Variants in IGSF11 observed in about 807,000 individuals in gnomAD.
The protein encoded by IGSF11 is CXADR like 1.
IGSF11 carries 22 observed loss-of-function variants against 41.0 expected under a neutral mutation model. That is an observed-to-expected ratio of 0.54 (90% CI 0.38 to 0.77). The LOEUF is 0.77. IGSF11 is among the 30% of genes least tolerant of loss of function. IGSF11 has a pLI of 0.00. For missense variants in IGSF11, 444 were observed against 530.8 expected (o/e 0.84, Z 1.61); for synonymous variants, 219 against 201.3 (o/e 1.09, Z -0.74).
At chr3:118,972,217 C>T (rs1022881939) in intron 1 of IGSF11, among the ~76,000 whole-genome samples, 2 of 152,150 alleles carry the variant, frequency 1.3e-5, no homozygotes, top group Non-Finnish European at 2.9e-5. Flanking sequence ...AACTAAATGG[C>T]TAATTATTCC....
intron 1 of IGSF11, among the ~76,000 whole-genome samples, chr3:119,078,882 T>C (rs933070923): frequency 6.6e-6 from 1 of 151,792 alleles, no homozygotes; most frequent in Non-Finnish European, 1.5e-5. Flanking sequence ...AAAAAACAAA[T>C]AACCCCATTT....
At chr3:118,964,082 ACC>A (rs1054109577) in intron 1 of IGSF11, among the ~76,000 whole-genome samples, 3 of 151,738 alleles carry the variant, frequency 2.0e-5, no homozygotes, top group South Asian at 2.1e-4. Flanking sequence ...ACCCATCCCC[ACC>A]CCCAAAGTCT....
intron 1 of IGSF11, among the ~76,000 whole-genome samples, chr3:118,964,202 C>T (rs758769738): frequency 9.2e-5 from 14 of 152,126 alleles, no homozygotes; most frequent in Non-Finnish European, 1.9e-4. Context: ...TTCAGGTATA[C>T]ATTACATTAT....
In IGSF11 at chr3:119,131,929, G is replaced by C. The variant is rs528911589; in HGVS notation, c.-14+13884C>G. ...CTTGAAGAAAAGAATTTTCAACCCA[G>C]AATTTCATATCCAGCCAAACTAAGC... On this transcript the variant is annotated intron_variant, in intron 1 of 7. Transcript: ENST00000425327. Among the ~76,000 whole-genome samples, 114 of 152,228 alleles carry C rather than the reference G, an allele frequency of 7.5e-4. No individual in the cohort carries two copies. The South Asian group carries it at 0.012, about 15-fold the overall frequency.
intron 1 of IGSF11, among the ~76,000 whole-genome samples, chr3:118,974,363 C>T (rs1014169225): frequency 2.0e-5 from 3 of 152,034 alleles, no homozygotes; most frequent in Non-Finnish European, 2.9e-5. Context: ...GAGAAAGATC[C>T]GTTGGAAGAA....
intron 4 of IGSF11, among the ~76,000 whole-genome samples, chr3:118,907,263 TA>T (rs1939719306): frequency 6.6e-6 from 1 of 152,174 alleles, no homozygotes; most frequent in Non-Finnish European, 1.5e-5. Flanking sequence ...CAGATCTGAG[TA>T]AAGTGTGCAG....
chr3:118,997,859 TTTAATATAATGTACTGTTCATGG>T (rs1372956788), intron 1 of IGSF11, among the ~76,000 whole-genome samples: 1 of 152,156 alleles, frequency 6.6e-6, no homozygotes, highest in Non-Finnish European at 1.5e-5. Flanking sequence ...CACAAAAATA[TTTAATATAATGTACTGTTCATGG>T]CAAATGCTAA....
chr3:118,978,247 C>T (rs764636782), intron 1 of IGSF11, among the ~76,000 whole-genome samples: 6 of 152,148 alleles, frequency 3.9e-5, no homozygotes, highest in Non-Finnish European at 8.8e-5. Context: ...CCTGCTATTA[C>T]CACCAGAGCC....
At chr3:119,141,930 A>G (rs796343151) in intron 1 of IGSF11, among the ~76,000 whole-genome samples, 25 of 152,238 alleles carry the variant, frequency 1.6e-4, no homozygotes, top group African/African-American at 5.5e-4. Context: ...GGACACACTG[A>G]AAGTTTGGGA....
intron 1 of IGSF11, among the ~76,000 whole-genome samples, chr3:119,059,314 G>T (rs1941977558): frequency 6.6e-6 from 1 of 152,106 alleles, no homozygotes. Flanking sequence ...ACTGAGGAAT[G>T]TAAAACCAAA....
chr3:119,121,661 T>C (rs1177876517), intron 1 of IGSF11, among the ~76,000 whole-genome samples: 1 of 152,052 alleles, frequency 6.6e-6, no homozygotes, highest in African/African-American at 2.4e-5. Context: ...AATTTGTGAC[T>C]AAAAACTCTG....
intron 1 of IGSF11, among the ~76,000 whole-genome samples, chr3:119,138,158 CA>C (rs71156733): frequency 0.77 from 102,745 of 133,978 alleles, 38,818 homozygotes; most frequent in Admixed American, 0.86. Context: ...GGTTCCTCAA[CA>C]AAAAAAAAAA....
intron 1 of IGSF11, among the ~76,000 whole-genome samples, chr3:119,054,907 G>C (rs1370056232): frequency 4.0e-5 from 6 of 149,522 alleles, no homozygotes; most frequent in African/African-American, 1.5e-4. Flanking sequence ...CACCTGAGTA[G>C]CCTAACTGGG....
chr3:118,960,039 CG>C (rs1945235657), intron 1 of IGSF11, among the ~76,000 whole-genome samples: 1 of 142,652 alleles, frequency 7.0e-6, no homozygotes. Context: ...AGCGAGACTC[CG>C]TCTCAAAAAA....
At chr3:119,054,766 T>C (rs1050190391) in intron 1 of IGSF11, among the ~76,000 whole-genome samples, 39 of 152,262 alleles carry the variant, frequency 2.6e-4, no homozygotes, top group African/African-American at 9.1e-4. Context: ...AATTACAAAA[T>C]TATGGAACCA....
At chr3:119,139,604 A>C (rs1386590376) in intron 1 of IGSF11, among the ~76,000 whole-genome samples, 1 of 152,098 alleles carries the variant, frequency 6.6e-6, no homozygotes, top group East Asian at 1.9e-4. Flanking sequence ...TTCTGCCATG[A>C]GTGTGAGACC....
At chr3:119,034,379 C>T (rs1161680174) in intron 1 of IGSF11, among the ~76,000 whole-genome samples, 152 bp downstream of exon 1, 1 of 152,204 alleles carries the variant, frequency 6.6e-6, no homozygotes, top group Non-Finnish European at 1.5e-5. Flanking sequence ...TGCGCGCGAG[C>T]CTCGGCCGCA....
chr3:118,970,633 T>C (rs571226187), intron 1 of IGSF11, among the ~76,000 whole-genome samples: 1 of 152,248 alleles, frequency 6.6e-6, no homozygotes, highest in Admixed American at 6.5e-5. Flanking sequence ...AAGGTGATGA[T>C]TTAAAATAGC....
At chr3:119,057,605 A>G (rs1941897425) in intron 1 of IGSF11, among the ~76,000 whole-genome samples, 1 of 152,248 alleles carries the variant, frequency 6.6e-6, no homozygotes, top group African/African-American at 2.4e-5. Context: ...CTTTCTTCAC[A>G]GAATTGGAAA....
Sources: gnomAD v4.1 joint callset for allele counts (sites outside exome capture counted in the v4.1 genomes callset) on GRCh38, gnomAD v4.1.1 for gene constraint, MANE v1.5 for transcripts, NCBI Gene and HGNC (gene_info 2026-07-23, HGNC 2026-07-21) for gene names.